SLC9A5: variants seen among roughly 807,000 people sequenced by gnomAD.
SLC9A5 encodes the protein sodium/hydrogen exchanger 5.
SLC9A5 carries 52 observed loss-of-function variants against 91.7 expected under a neutral mutation model. The observed-to-expected ratio is 0.57, with a 90% confidence interval of 0.45 to 0.71. SLC9A5 has a LOEUF of 0.71. Among genes scored for constraint, SLC9A5 ranks in the 30% least tolerant of loss-of-function variants. The probability of loss-of-function intolerance (pLI) is 0.00; values close to 1 mark genes in which losing one functional copy is unlikely to be tolerated. For synonymous variants in SLC9A5, 419 were observed against 474.5 expected (o/e 0.88, Z 1.52); for missense variants, 871 against 1,158.9 (o/e 0.75, Z 3.61).
rs766839108 is a variant in SLC9A5, at chr16:67,257,001, G to C, written c.1223G>C (p.Arg408Pro). The part of the protein sequence containing the change: ...DQVVMSYGGL[R>P]GAVAFALVIL... ...GTGGTGATGTCCTATGGGGGCCTGC[G>C]GGGGGCTGTGGCCTTTGCTCTCGTC... Residue 408 changes from arginine to proline, a missense_variant, in exon 7 of 16, where the codon CGG becomes CCG. Arg to Pro is a moderately radical substitution (Grantham distance 103, BLOSUM62 -2). Coordinates refer to ENST00000299798, the MANE Select transcript of SLC9A5 (RefSeq NM_004594.3). The surrounding 1 kb of genome is among the most constrained non-coding windows in gnomAD (Gnocchi z 5.1). 5 of 1,613,976 alleles carry C rather than the reference G, an allele frequency of 3.1e-6. No individual in the cohort carries two copies. The highest frequency in any genetic ancestry group is 3.4e-6 in the Non-Finnish European group (4 of 1,180,006).
chr16:67,265,962 G>A, intron 14 of SLC9A5, 126 bp from the exon 15 acceptor site: 2 of 1,266,510 alleles, frequency 1.6e-6, no homozygotes, highest in Non-Finnish European at 2.1e-6. Context: ...ACAGCCAGAG[G>A]AGAAAGCAAG....
At position 67,256,006 on chromosome 16, in the gene SLC9A5, C is replaced by A. The variant is rs984063444; in HGVS notation, c.911+76C>A. The A allele has an allele frequency of 2.8e-6, 4 of 1,453,478 alleles. No homozygotes were observed. The African/African-American group carries it at 4.2e-5, about 15-fold the overall frequency. The allele number at this position is 1,453,478 out of a possible 1,614,324, so 90.0% of individuals were successfully genotyped here. A position where few individuals can be genotyped will look rare whatever the true frequency, so the allele number is the denominator to read the frequency against. On this transcript the variant is annotated intron_variant, in intron 5 of 15. Coordinates refer to ENST00000299798, the MANE Select transcript of SLC9A5 (RefSeq NM_004594.3). The surrounding 1 kb of genome is among the most constrained non-coding windows in gnomAD (Gnocchi z 4.1). ...TGGTTGCCCCTCATAGGGACACAGGCAGGAACTTCAGGAGTCCATAGGTTT... is the reference window on the plus strand; with the variant it reads ...TGGTTGCCCCTCATAGGGACACAGGAAGGAACTTCAGGAGTCCATAGGTTT...
chr16:67,249,004 C>A lies in SLC9A5; in HGVS notation c.-11C>A, dbSNP rs751572143. On this transcript the variant is annotated 5_prime_UTR_variant, in exon 1 of 16. Coordinates refer to ENST00000299798, the MANE Select transcript of SLC9A5 (RefSeq NM_004594.3). Reference sequence around the variant, plus strand: ...GTGCGGTGCCGGGAGGGCGGCTGGGCAGGCGGCAGGATGCTGCGCGCCGCC... The same window carrying A: ...GTGCGGTGCCGGGAGGGCGGCTGGGAAGGCGGCAGGATGCTGCGCGCCGCC... The A allele has an allele frequency of 1.2e-4, 157 of 1,295,150 alleles. No individual in the cohort carries two copies. The highest frequency in any genetic ancestry group is 1.5e-4 in the Non-Finnish European group (148 of 1,019,412). The allele number at this position is 1,295,150 out of a possible 1,614,324, so 80.2% of individuals were successfully genotyped here.
At chr16:67,250,486 T>A (rs1338639128) in intron 1 of SLC9A5, among the ~76,000 whole-genome samples, 5 of 152,208 alleles carry the variant, frequency 3.3e-5, no homozygotes, top group African/African-American at 9.7e-5. Flanking sequence ...GTTTGCTAAG[T>A]CTGTGAGTTG....
At chr16:67,265,434 T>C (rs900656411) in intron 14 of SLC9A5, among the ~76,000 whole-genome samples, 1 of 152,092 alleles carries the variant, frequency 6.6e-6, no homozygotes, top group Non-Finnish European at 1.5e-5. Flanking sequence ...TTTTGTTTTG[T>C]TTTTTTGAGA....
chr16:67,249,306 C>T, intron 1 of SLC9A5, 105 bp downstream of exon 1: 1 of 921,934 alleles, frequency 1.1e-6, no homozygotes, highest in Non-Finnish European at 1.5e-6. Context: ...TTGCACGGTG[C>T]TGGGACTTAG....
Position 67,264,540 on chromosome 16 carries a change from G to C in SLC9A5, c.2013+18G>C. On this transcript the variant is annotated intron_variant, in intron 13 of 15. Transcript: ENST00000299798. ...GCAGGAAGGCATGTCTTCCCTCAGG[G>C]ACTCCTCTTGGGAGCTGGAGGCTGA... 1 of 1,613,734 alleles carries C rather than the reference G, an allele frequency of 6.2e-7. No individual in the cohort carries two copies. The highest frequency in any genetic ancestry group is 8.5e-7 in the Non-Finnish European group (1 of 1,179,624).
At chr16:67,268,427 A>G (rs1260996846) in intron 15 of SLC9A5, among the ~76,000 whole-genome samples, 1 of 148,534 alleles carries the variant, frequency 6.7e-6, no homozygotes, top group Non-Finnish European at 1.5e-5. Context: ...CTTGGGCTCA[A>G]GCCACTCCAC....
chr16:67,248,998 G>T lies in SLC9A5; in HGVS notation c.-17G>T. 2.4e-6 allele frequency: 3 copies of T among 1,262,610 alleles called. No homozygotes were observed. The highest frequency in any genetic ancestry group is 3.0e-6 in the Non-Finnish European group (3 of 1,002,344). 78.2% of individuals were successfully genotyped at this position (1,262,610 alleles called of 1,614,324 possible). A position where few individuals can be genotyped will look rare whatever the true frequency, so the allele number is the denominator to read the frequency against. ...GCGGCCGTGCGGTGCCGGGAGGGCG[G>T]CTGGGCAGGCGGCAGGATGCTGCGC... On this transcript the variant is annotated 5_prime_UTR_variant, in exon 1 of 16. Coordinates refer to ENST00000299798, the MANE Select transcript of SLC9A5 (RefSeq NM_004594.3). The surrounding 1 kb of genome is among the most constrained non-coding windows in gnomAD (Gnocchi z 5.3).
rs1213129127 is a variant in SLC9A5, at chr16:67,249,045, C to T, written c.31C>T (p.Leu11=). 6.7e-7 allele frequency: 1 copy of T among 1,500,494 alleles called. No individual in the cohort carries two copies. Among genetic ancestry groups the T allele is most frequent in the Admixed American group, 2.1e-5 (1 of 46,870 alleles). The allele number at this position is 1,500,494 out of a possible 1,614,324, so 92.9% of individuals were successfully genotyped here. A position where few individuals can be genotyped will look rare whatever the true frequency, so the allele number is the denominator to read the frequency against. ...GCGCGCCGCCCTGTCCCTGCTCGCG[C>T]TGCCCCTGGCGGGGGCGGCCGAAGA... MLRAALSLLA[L]PLAGAAEEPT... Residue 11 remains leucine (L), a synonymous_variant, in exon 1 of 16, where the codon CTG becomes TTG. Transcript: ENST00000299798.
At chr16:67,260,370 AAAAAAAAG>A (rs1201587547) in intron 12 of SLC9A5, among the ~76,000 whole-genome samples, 1 of 150,892 alleles carries the variant, frequency 6.6e-6, no homozygotes, top group African/African-American at 2.5e-5. Flanking sequence ...AAAAAAAAAA[AAAAAAAAG>A]AGTGTGGGTT....
In SLC9A5 at chr16:67,252,738, C is replaced by G. The variant is rs779317383; in HGVS notation, c.384C>G (p.Phe128Leu). The G allele has an allele frequency of 3.7e-6, 6 of 1,614,184 alleles. No individual in the cohort carries two copies. The Admixed American group carries it at 1.0e-4, about 27-fold the overall frequency. Residue 128 changes from phenylalanine to leucine, a missense_variant, in exon 2 of 16, where the codon TTC becomes TTG. This residue lies in a region of SLC9A5 where 454 missense variants were observed against 718.3 expected (regional missense o/e 0.63). Transcript: ENST00000299798. This position sits in a 1 kb window ranked among gnomAD's most constrained non-coding sequence, Gnocchi z 4.0. ...DSGYFMPSRL[F>L]FDNLGAILTY... ...GCTATTTCATGCCTAGCAGGCTGTT[C>G]TTTGACAACTTGGGTGCCATCCTCA...
chr16:67,260,060 G>A, intron 12 of SLC9A5, 114 bp downstream of exon 12: 1 of 1,426,560 alleles, frequency 7.0e-7, no homozygotes. Flanking sequence ...TAAAGAGTGT[G>A]GGTTTCAGCC....
chr16:67,266,795 T>C (rs1257139231), intron 15 of SLC9A5, among the ~76,000 whole-genome samples: 1 of 151,092 alleles, frequency 6.6e-6, no homozygotes, highest in African/African-American at 2.4e-5. Context: ...CCCACCTTGG[T>C]CTCCCAAAGT....
At position 67,272,189 on chromosome 16, in the gene SLC9A5, G is replaced by A. The variant is rs1030544365; in HGVS notation, c.*979G>A. On this transcript the variant is annotated 3_prime_UTR_variant, in exon 16 of 16. Coordinates refer to ENST00000299798, the MANE Select transcript of SLC9A5 (RefSeq NM_004594.3). ...AAGATATATTAAACATCTCTCAGATGGATGGGTGTCTTGTGTCCATGTGTC... is the reference window on the plus strand; with the variant it reads ...AAGATATATTAAACATCTCTCAGATAGATGGGTGTCTTGTGTCCATGTGTC... The A allele has an allele frequency of 2.0e-5, 3 of 152,158 alleles. No individual in the cohort carries two copies. The highest frequency in any genetic ancestry group is 7.2e-5 in the African/African-American group (3 of 41,424). The allele number at this position is 152,158 out of a possible 1,614,324, so 9.4% of individuals were successfully genotyped here.
intron 15 of SLC9A5, among the ~76,000 whole-genome samples, chr16:67,269,435 CA>C (rs1488872524): frequency 1.3e-5 from 2 of 152,054 alleles, no homozygotes; most frequent in East Asian, 3.9e-4. Flanking sequence ...CCATCTCAAA[CA>C]AACAAAAAAA....
intron 12 of SLC9A5, 33 bp from the exon 13 acceptor site, chr16:67,264,319 A>C: frequency 6.2e-7 from 1 of 1,607,192 alleles, no homozygotes; most frequent in South Asian, 1.1e-5. Context: ...CAAGGCATCC[A>C]TCCTCATAGC....
rs780340109 is a variant in SLC9A5, at chr16:67,259,587, G to A, written c.1641G>A (p.Leu547=). ...GACACCTGCAGGGAGGCCACGTCTT[G>A]TCTTCCACAGGTCTCACTCTGCCTT... ...ISFVDQGGHV[L]SSTGLTLPSM... The change falls in exon 11 of 16, where the codon TTG becomes TTA. Residue 547 remains leucine (L), a synonymous_variant. Transcript: ENST00000299798. 9 of 1,614,072 alleles carry A rather than the reference G, an allele frequency of 5.6e-6. No individual in the cohort carries two copies. Among genetic ancestry groups the A allele is most frequent in the Non-Finnish European group, 6.8e-6 (8 of 1,180,002 alleles).
rs758935237 is a variant in SLC9A5, at chr16:67,259,882, G to A, written c.1778G>A (p.Arg593Gln). 15 of 1,614,000 alleles carry A rather than the reference G, an allele frequency of 9.3e-6. No homozygotes were observed. Among genetic ancestry groups the A allele is most frequent in the African/African-American group, 8.0e-5 (6 of 74,888 alleles). Residue 593 changes from arginine (R) to glutamine (Q), a missense_variant, in exon 12 of 16, where the codon CGG (arginine) becomes CAG (glutamine). This residue lies in a region of SLC9A5 where 454 missense variants were observed against 718.3 expected (regional missense o/e 0.63). Transcript: ENST00000299798. ...LQVIDTVRSG[R>Q]DREDAVMHHL... ...GTGATTGACACAGTACGCAGCGGCCGGGATCGTGAGGATGCTGTGATGCAT... is the reference window on the plus strand; with the variant it reads ...GTGATTGACACAGTACGCAGCGGCCAGGATCGTGAGGATGCTGTGATGCAT...
Sources: allele counts gnomAD v4.1 joint callset (sites outside exome capture counted in the v4.1 genomes callset), GRCh38; gene constraint gnomAD v4.1.1; regional missense constraint gnomAD v4.1.1; non-coding constraint Gnocchi (gnomAD v3.1); transcripts MANE v1.5; gene names NCBI Gene and HGNC (gene_info 2026-07-23, HGNC 2026-07-21).